Variants in AIFM3 observed in about 807,000 individuals in gnomAD.
The protein encoded by AIFM3 is AIF family member 3, also known as apoptosis-inducing factor 3.
AIFM3 carries 71 observed loss-of-function variants against 82.7 expected under a neutral mutation model. That is an observed-to-expected ratio of 0.86 (90% CI 0.71 to 1.05). AIFM3 has a LOEUF of 1.05. Among genes scored for constraint, AIFM3 ranks in the 50% least tolerant of loss-of-function variants. The pLI is 0.00. For missense variants in AIFM3, 748 were observed against 816.7 expected, an observed-to-expected ratio of 0.92 and a Z score of 1.03; for synonymous variants, 337 against 329.1, an observed-to-expected ratio of 1.02 and a Z score of -0.26.
At chr22:20,980,625 G>A (rs1354331735) in intron 19 of AIFM3, 122 bp from the exon 20 acceptor site, 3 of 1,304,204 alleles carry the variant, frequency 2.3e-6, no homozygotes, top group Non-Finnish European at 3.3e-6. Flanking sequence ...GGAGGCCACT[G>A]GGAGGCTATG....
chr22:20,977,022 C>T lies in AIFM3; in HGVS notation c.1219-10C>T. The stretch of plus-strand genomic sequence containing the variant: ...CTGGGTCCACCTGTTTATCCACCCA[C>T]TCCCCACAGCTGAAGGAGGTTGTGC... On this transcript the variant is annotated splice_polypyrimidine_tract_variant and intron_variant, in intron 13 of 20. Coordinates refer to ENST00000440238, the MANE Select transcript of AIFM3 (RefSeq NM_001386814.1). 1.9e-6 allele frequency: 3 copies of T among 1,614,238 alleles called. No individual in the cohort carries two copies. The highest frequency in any genetic ancestry group is 2.5e-6 in the Non-Finnish European group (3 of 1,180,042).
Position 20,973,460 on chromosome 22 carries a change from C to T in AIFM3, c.185C>T (p.Pro62Leu). Reference protein sequence around the residue: ...EERLSTPHPYPSPQDCVEAAV... With the variant: ...EERLSTPHPYLSPQDCVEAAV... ...CGCCTGTCCACCCCTCACCCCTACCCCAGCCCTCAGGATTGCGTGGAGGCT... is the reference window on the plus strand; with the variant it reads ...CGCCTGTCCACCCCTCACCCCTACCTCAGCCCTCAGGATTGCGTGGAGGCT... The change falls in exon 3 of 21, where the codon CCC becomes CTC. Residue 62 changes from proline (P) to leucine (L), a missense_variant. By Grantham distance (98) the Pro-to-Leu change is moderately conservative. This residue lies in a region of AIFM3 where 148 missense variants were observed against 134.1 expected (regional missense o/e 1.10). Coordinates refer to ENST00000440238, the MANE Select transcript of AIFM3 (RefSeq NM_001386814.1). 6.2e-7 allele frequency: 1 copy of T among 1,613,222 alleles called. No individual in the cohort carries two copies. The highest frequency in any genetic ancestry group is 8.5e-7 in the Non-Finnish European group (1 of 1,180,010).
intron 1 of AIFM3, 192 bp from the exon 2 acceptor site, chr22:20,967,613 T>TGAGGGAGCTGAG: frequency 2.4e-6 from 1 of 408,192 alleles, no homozygotes; most frequent in Non-Finnish European, 4.4e-6. Flanking sequence ...ACTGGAGGAG[T>TGAGGGAGCTGAG]GAGGGAGCTG....
At chr22:20,971,916 T>C (rs1923288369) in intron 2 of AIFM3, among the ~76,000 whole-genome samples, 1 of 151,360 alleles carries the variant, frequency 6.6e-6, no homozygotes, top group South Asian at 2.1e-4. Flanking sequence ...CACTCCCCGC[T>C]AGAGCTGGCC....
rs1162089362 is a variant in AIFM3 at position 20,981,167 on chromosome 22, C to G, written c.*136C>G. On this transcript the variant is annotated 3_prime_UTR_variant, in exon 21 of 21. Coordinates refer to ENST00000440238, the MANE Select transcript of AIFM3 (RefSeq NM_001386814.1). ...CCCTCCCAGTGCTTGCCTTCAGCCACCTGGCTCCCCTCCTGGGAGGCCTCT... is the reference window on the plus strand; with the variant it reads ...CCCTCCCAGTGCTTGCCTTCAGCCAGCTGGCTCCCCTCCTGGGAGGCCTCT... The G allele has an allele frequency of 4.8e-5, 59 of 1,236,214 alleles. No individual in the cohort carries two copies. In the Middle Eastern group the frequency reaches 6.7e-4, roughly 14 times the overall value. The allele number at this position is 1,236,214 out of a possible 1,614,324, so 76.6% of individuals were successfully genotyped here.
At position 20,977,966 on chromosome 22, in the gene AIFM3, A is replaced by C; in HGVS notation, c.1438A>C (p.Lys480Gln). ...CCCCCTTGCCTGGAGGAACAACCGC[A>C]AAGTGAACATTCCACATTGGCAGAT... ...TFPLAWRNNR[K>Q]VNIPHWQMAH... Residue 480 changes from lysine (K) to glutamine (Q), a missense_variant, in exon 16 of 21, where the codon AAA becomes CAA. Physicochemically the swap from Lys to Gln is moderately conservative, Grantham distance 53. Coordinates refer to ENST00000440238, the MANE Select transcript of AIFM3 (RefSeq NM_001386814.1). The C allele has an allele frequency of 1.2e-6, 2 of 1,614,196 alleles. No homozygotes were observed. Among genetic ancestry groups the C allele is most frequent in the South Asian group, 1.1e-5 (1 of 91,086 alleles).
intron 9 of AIFM3, 56 bp downstream of exon 9, chr22:20,975,834 T>C (rs1923610785): frequency 1.9e-6 from 3 of 1,581,826 alleles, no homozygotes; most frequent in Admixed American, 3.3e-5. Flanking sequence ...AACCGTGAGG[T>C]TGTGTGGGCC....
chr22:20,968,140 G>A (rs1045983429), intron 2 of AIFM3, among the ~76,000 whole-genome samples, 165 bp downstream of exon 2: 1 of 152,310 alleles, frequency 6.6e-6, no homozygotes, highest in East Asian at 1.9e-4. Context: ...GGGGTAGGGG[G>A]CCTGGAGCAG....
chr22:20,975,833 G>A lies in AIFM3; in HGVS notation c.807+55G>A, dbSNP rs555449000. 2.5e-5 allele frequency: 40 copies of A among 1,584,296 alleles called. No individual in the cohort carries two copies. In the East Asian group the frequency reaches 8.3e-4, roughly 33 times the overall value. ...GAGGAGGGAAGGTGGGAACCGTGAG[G>A]TTGTGTGGGCCCCTGGGGTGGGGTC... On this transcript the variant is annotated intron_variant, in intron 9 of 20. Transcript: ENST00000440238.
At position 20,967,814 on chromosome 22, in the gene AIFM3, C is replaced by G; in HGVS notation, c.-131C>G. 1 of 955,780 alleles carries G rather than the reference C, an allele frequency of 1.0e-6. No homozygotes were observed. The highest frequency in any genetic ancestry group is 1.7e-6 in the Non-Finnish European group (1 of 598,422). 59.2% of individuals were successfully genotyped at this position (955,780 alleles called of 1,614,324 possible). A position where few individuals can be genotyped will look rare whatever the true frequency, so the allele number is the denominator to read the frequency against. ...CCAGTCTCCCCTGCAGGTCCTAGAG[C>G]AGCTCCAGCAGGATGGCGGCTCCAG... On this transcript the variant is annotated 5_prime_UTR_variant, in exon 2 of 21. Coordinates refer to ENST00000440238, the MANE Select transcript of AIFM3 (RefSeq NM_001386814.1).
Position 20,967,826 on chromosome 22 carries a change from G to T in AIFM3, c.-119G>T, listed in dbSNP as rs751573098. On this transcript the variant is annotated 5_prime_UTR_variant, in exon 2 of 21. Coordinates refer to ENST00000440238, the MANE Select transcript of AIFM3 (RefSeq NM_001386814.1). The stretch of plus-strand genomic sequence containing the variant: ...GCAGGTCCTAGAGCAGCTCCAGCAG[G>T]ATGGCGGCTCCAGCGTCTCTAAGGC... The T allele has an allele frequency of 1.8e-6, 2 of 1,101,740 alleles. No homozygotes were observed. The highest frequency in any genetic ancestry group is 2.8e-6 in the Non-Finnish European group (2 of 724,948). 68.2% of individuals were successfully genotyped at this position (1,101,740 alleles called of 1,614,324 possible). A position where few individuals can be genotyped will look rare whatever the true frequency, so the allele number is the denominator to read the frequency against.
Position 20,973,432 on chromosome 22 carries a change from G to T in AIFM3, c.157G>T (p.Glu53Ter), listed in dbSNP as rs772505763. The T allele has an allele frequency of 4.3e-6, 7 of 1,613,220 alleles. No homozygotes were observed. The highest frequency in any genetic ancestry group is 2.2e-5 in the East Asian group (1 of 44,880). Residue 53 changes from glutamate to a stop codon, truncating the protein, a stop_gained, in exon 3 of 21, where the codon GAG becomes TAG. Coordinates refer to ENST00000440238, the MANE Select transcript of AIFM3 (RefSeq NM_001386814.1). LOFTEE classifies it high-confidence loss of function. ...NGTARHFHTEERLSTPHPYPS... is the reference protein window; with the variant it reads ...NGTARHFHTE Reference sequence around the variant, plus strand: ...CACGGCCCGCCACTTCCACACGGAGGAGCGCCTGTCCACCCCTCACCCCTA... The same window carrying T: ...CACGGCCCGCCACTTCCACACGGAGTAGCGCCTGTCCACCCCTCACCCCTA...
At chr22:20,970,155 C>CT (rs1263315115) in intron 2 of AIFM3, among the ~76,000 whole-genome samples, 4 of 152,180 alleles carry the variant, frequency 2.6e-5, no homozygotes, top group Non-Finnish European at 5.9e-5. Flanking sequence ...ACCATGGCTG[C>CT]TAGGAGGCTC....
intron 17 of AIFM3, 38 bp from the exon 18 acceptor site, chr22:20,979,589 C>CGCGG (rs769330784): frequency 6.2e-7 from 1 of 1,612,292 alleles, no homozygotes; most frequent in Non-Finnish European, 8.5e-7. Context: ...TTCCCTCCCC[C>CGCGG]GGCTCACGTG....
intron 10 of AIFM3, 44 bp downstream of exon 10, chr22:20,976,350 C>T (rs751509553): frequency 6.2e-7 from 1 of 1,613,700 alleles, no homozygotes; most frequent in Admixed American, 1.7e-5. Flanking sequence ...AGGCAGGGCA[C>T]TGGCCTGGAC....
intron 1 of AIFM3, 50 bp from the exon 2 acceptor site, chr22:20,967,753 GTC>G: frequency 3.2e-6 from 2 of 616,012 alleles, no homozygotes; most frequent in Admixed American, 5.6e-5. Flanking sequence ...GTCCCTCTGT[GTC>G]TCTACCTGCC....
upstream of AIFM3, among the ~76,000 whole-genome samples, chr22:20,965,642 A>C (rs1267984143): frequency 6.6e-6 from 1 of 152,172 alleles, no homozygotes; most frequent in East Asian, 1.9e-4. Context: ...GACTGGGATC[A>C]GATGCCACCC....
At position 20,971,966 on chromosome 22, in the gene AIFM3, T is replaced by TGG. The variant is rs11090488; in HGVS notation, c.32-1330_32-1329dup. The stretch of plus-strand genomic sequence containing the variant: ...GGGAAGTGGCTCTGTATGGAGGCTG[T>TGG]GGGGGGGGGGGGCTGTGCCCCCTCT... On this transcript the variant is annotated intron_variant, in intron 2 of 20. Transcript: ENST00000440238. 8.5e-3 allele frequency among the ~76,000 whole-genome samples: 1,186 copies of TGG among 138,970 alleles called. 8 individuals carry two copies. The highest frequency in any genetic ancestry group is 0.021 in the East Asian group (99 of 4,790). The allele number at this position is 138,970 out of a possible 152,430, so 91.2% of individuals were successfully genotyped here.
intron 2 of AIFM3, among the ~76,000 whole-genome samples, chr22:20,969,551 T>G (rs1601700021): frequency 6.6e-6 from 1 of 152,114 alleles, no homozygotes; most frequent in African/African-American, 2.4e-5. Flanking sequence ...TGCCTCAGCC[T>G]CCCAAGTAGC....
Sources: allele counts gnomAD v4.1 joint callset (sites outside exome capture counted in the v4.1 genomes callset), GRCh38; gene constraint gnomAD v4.1.1; regional missense constraint gnomAD v4.1.1; transcripts MANE v1.5; gene names NCBI Gene and HGNC (gene_info 2026-07-23, HGNC 2026-07-21).